TXK: variants seen among roughly 807,000 people sequenced by gnomAD.
TXK encodes the protein tyrosine-protein kinase TXK.
A neutral mutation model predicts 81.0 loss-of-function variants in TXK; 60 were observed. The ratio of observed to expected loss-of-function variants is 0.74; its 90% CI spans 0.60 to 0.92. The LOEUF is 0.92. Ranked by LOEUF, TXK falls within the 40% of genes least tolerant of loss-of-function variation. TXK has a pLI of 0.00. For missense variants in TXK, 581 were observed against 638.3 expected, an observed-to-expected ratio of 0.91 and a Z score of 0.97; for synonymous variants, 203 against 210.7, an observed-to-expected ratio of 0.96 and a Z score of 0.32.
chr4:48,110,436 G>T, intron 5 of TXK, 102 bp downstream of exon 5: 1 of 748,566 alleles, frequency 1.3e-6, no homozygotes, highest in Non-Finnish European at 2.3e-6. Flanking sequence ...GCTGTCAAAT[G>T]TGTTACTTTT....
chr4:48,101,504 C>T (rs1430250509), intron 6 of TXK, among the ~76,000 whole-genome samples: 1 of 151,858 alleles, frequency 6.6e-6, no homozygotes, highest in African/African-American at 2.4e-5. Context: ...AGGATAAATG[C>T]TGAATAAAAT....
chr4:48,072,289 C>T (rs1283924353), intron 13 of TXK, among the ~76,000 whole-genome samples: 2 of 152,184 alleles, frequency 1.3e-5, no homozygotes, highest in Non-Finnish European at 2.9e-5. Context: ...AAACGTAAGC[C>T]ATCACGCCCG....
chr4:48,071,543 C>T lies in TXK; in HGVS notation c.1489G>A (p.Glu497Lys), dbSNP rs374820345. 1.6e-4 allele frequency: 266 copies of T among 1,614,088 alleles called. 5 individuals carry two copies. In the South Asian group the frequency reaches 2.8e-3, roughly 17 times the overall value. Residue 497 changes from glutamate (E) to lysine (K), a missense_variant, in exon 14 of 15, where the codon GAA (glutamate) becomes AAA (lysine). Physicochemically the swap from Glu to Lys is moderately conservative, Grantham distance 56 (BLOSUM62 1). Transcript: ENST00000264316. ...TCATGCCAGCAGCTGTACATGACTT[C>T]ATATATGGACATTGGTGCCAGGTGA... ...RPHLAPMSIY[E>K]VMYSCWHEKP...
intron 1 of TXK, among the ~76,000 whole-genome samples, chr4:48,128,552 CACT>C (rs1357329163): frequency 1.3e-5 from 2 of 148,364 alleles, no homozygotes; most frequent in East Asian, 4.0e-4. Context: ...AAATGCCCAC[CACT>C]ACATCCTTTT....
At position 48,134,159 on chromosome 4, in the gene TXK, G is replaced by A. The variant is rs1324672284; in HGVS notation, c.12C>T (p.Ser4=). MIL[S]SYNTIQSVFC... ...GACAAAGCCCATCTTACTCACAGGAGGAAAGGATCATGGTAGCCCCTTCTG... is the reference window on the plus strand; with the variant it reads ...GACAAAGCCCATCTTACTCACAGGAAGAAAGGATCATGGTAGCCCCTTCTG... The change falls in exon 1 of 15, where the codon TCC becomes TCT. Residue 4 remains serine (S), a synonymous_variant. Transcript: ENST00000264316. The A allele has an allele frequency of 6.2e-7, 1 of 1,613,194 alleles. No homozygotes were observed. Among genetic ancestry groups the A allele is most frequent in the Non-Finnish European group, 8.5e-7 (1 of 1,179,680 alleles).
intron 9 of TXK, among the ~76,000 whole-genome samples, chr4:48,088,432 A>G (rs1190651717): frequency 2.0e-5 from 3 of 152,240 alleles, no homozygotes; most frequent in African/African-American, 7.2e-5. Flanking sequence ...ATGGCCATCT[A>G]CAAGAAGCAT....
intron 10 of TXK, 97 bp from the exon 11 acceptor site, chr4:48,080,225 C>A: frequency 1.1e-6 from 1 of 940,150 alleles, no homozygotes; most frequent in East Asian, 2.6e-5. Context: ...TTATCACTCT[C>A]ATTATCAAGA....
At chr4:48,094,776 C>T (rs1254501170) in intron 7 of TXK, among the ~76,000 whole-genome samples, 2 of 152,118 alleles carry the variant, frequency 1.3e-5, no homozygotes, top group East Asian at 1.9e-4. Context: ...AGCCACGGGG[C>T]GCACAAGTTC....
intron 12 of TXK, among the ~76,000 whole-genome samples, 185 bp from the exon 13 acceptor site, chr4:48,074,238 CA>C (rs1337647343): frequency 6.6e-6 from 1 of 152,150 alleles, no homozygotes; most frequent in Non-Finnish European, 1.5e-5. Flanking sequence ...AACAAAGTCT[CA>C]ATTGTATTTG....
intron 10 of TXK, among the ~76,000 whole-genome samples, chr4:48,084,676 T>A (rs1717442071): frequency 1.3e-5 from 2 of 152,228 alleles, no homozygotes; most frequent in Admixed American, 1.3e-4. Flanking sequence ...AAAAACATCA[T>A]TGGGAAGCTG....
chr4:48,094,168 T>A lies in TXK; in HGVS notation c.618A>T (p.Lys206Asn). Residue 206 changes from lysine (K) to asparagine (N), a missense_variant, in exon 8 of 15, where the codon AAA becomes AAT. Transcript: ENST00000264316. Reference protein sequence around the residue: ...TEAAIKHYQIKKNDSGQWYVA... With the variant: ...TEAAIKHYQINKNDSGQWYVA... The stretch of plus-strand genomic sequence containing the variant: ...CATACCACTGTCCTGAGTCATTCTT[T>A]TTTATCTGATAATGTTTTATGGCAG... The A allele has an allele frequency of 6.2e-7, 1 of 1,613,880 alleles. No homozygotes were observed. The highest frequency in any genetic ancestry group is 8.5e-7 in the Non-Finnish European group (1 of 1,179,992).
In TXK at chr4:48,067,604, A is replaced by G; in HGVS notation, c.*33T>C. ...ATTCACAATAAATGACAGTTTTGCA[A>G]GATGACTCTTTGGGTTGGCATTCTG... On this transcript the variant is annotated 3_prime_UTR_variant, in exon 15 of 15. Coordinates refer to ENST00000264316, the MANE Select transcript of TXK (RefSeq NM_003328.3). 6.2e-7 allele frequency: 1 copy of G among 1,607,672 alleles called. No individual in the cohort carries two copies. The highest frequency in any genetic ancestry group is 8.5e-7 in the Non-Finnish European group (1 of 1,174,046).
intron 1 of TXK, among the ~76,000 whole-genome samples, chr4:48,117,282 T>TA (rs1039248907): frequency 2.6e-5 from 4 of 152,230 alleles, no homozygotes; most frequent in East Asian, 1.9e-4. Context: ...GGTGCCCAAA[T>TA]ATCCATTCCT....
intron 8 of TXK, 115 bp downstream of exon 8, chr4:48,093,962 C>G (rs1241580069): frequency 9.4e-6 from 13 of 1,377,860 alleles, no homozygotes; most frequent in Admixed American, 5.7e-5. Flanking sequence ...GTACTTCAAG[C>G]TTTTAAACTA....
At chr4:48,093,058 A>G (rs1385003594) in intron 8 of TXK, among the ~76,000 whole-genome samples, 1 of 152,194 alleles carries the variant, frequency 6.6e-6, no homozygotes, top group Admixed American at 6.5e-5. Flanking sequence ...CTTTGGAGGA[A>G]GGAGAAAGAG....
intron 1 of TXK, among the ~76,000 whole-genome samples, chr4:48,121,057 T>C (rs1159447501): frequency 6.6e-6 from 1 of 152,206 alleles, no homozygotes; most frequent in Non-Finnish European, 1.5e-5. Context: ...CTCTGAATAA[T>C]GCTAGATTTC....
At chr4:48,109,401 C>T (rs3792624) in intron 5 of TXK, 46,407 of 151,962 alleles carry the variant, frequency 0.31, 8,695 homozygotes, top group Non-Finnish European at 0.41. Flanking sequence ...TATGCTCTGC[C>T]GAAGTGAGCA....
intron 1 of TXK, among the ~76,000 whole-genome samples, chr4:48,127,703 C>T (rs1460660847): frequency 1.3e-5 from 2 of 152,220 alleles, no homozygotes; most frequent in Non-Finnish European, 2.9e-5. Context: ...GTAAATATCT[C>T]TAATGATGAG....
intron 6 of TXK, among the ~76,000 whole-genome samples, chr4:48,100,170 T>TCA (rs1704177729): frequency 7.7e-5 from 1 of 13,048 alleles, no homozygotes; most frequent in Admixed American, 1.2e-3. Context: ...AGACTCCATC[T>TCA]CAAAAAAAAA....
Sources: gnomAD v4.1 joint callset for allele counts (sites outside exome capture counted in the v4.1 genomes callset) on GRCh38, gnomAD v4.1.1 for gene constraint, MANE v1.5 for transcripts, NCBI Gene and HGNC (gene_info 2026-07-23, HGNC 2026-07-21) for gene names.